The following PPP1R13B variants were observed in gnomAD, a reference collection of about 807,000 sequenced individuals.
PPP1R13B encodes the protein apoptosis-stimulating of p53 protein 1.
In PPP1R13B, 44 loss-of-function variants were observed where a neutral mutation model predicts 119.8. That is an observed-to-expected ratio of 0.37 (90% CI 0.29 to 0.47). The LOEUF (loss-of-function observed/expected upper bound fraction) is 0.47, where lower values mean the gene tolerates loss of function less well. PPP1R13B is among the 20% of genes least tolerant of loss of function. The pLI is 0.99. For missense variants in PPP1R13B, 1,227 were observed against 1,413.5 expected, an observed-to-expected ratio of 0.87 and a Z score of 2.12; for synonymous variants, 542 against 561.5, an observed-to-expected ratio of 0.97 and a Z score of 0.49.
At chr14:103,807,422 C>T (rs1468757472) in intron 1 of PPP1R13B, among the ~76,000 whole-genome samples, 2 of 152,214 alleles carry the variant, frequency 1.3e-5, no homozygotes, top group African/African-American at 4.8e-5. Flanking sequence ...AGTTAATTAC[C>T]TGCTGTGTCA....
chr14:103,821,161 T>C (rs2086396548), intron 1 of PPP1R13B, among the ~76,000 whole-genome samples: 1 of 152,158 alleles, frequency 6.6e-6, no homozygotes, highest in Non-Finnish European at 1.5e-5. Context: ...GGTAACAAAA[T>C]GAAGACTAAA....
intron 1 of PPP1R13B, among the ~76,000 whole-genome samples, chr14:103,803,679 C>CAAAT (rs776782671): frequency 2.0e-5 from 3 of 152,046 alleles, no homozygotes; most frequent in Non-Finnish European, 2.9e-5. Context: ...AATTAATAAA[C>CAAAT]AAATAAATAA....
chr14:103,828,474 T>C (rs556773897), intron 1 of PPP1R13B, among the ~76,000 whole-genome samples: 6 of 152,146 alleles, frequency 3.9e-5, no homozygotes, highest in African/African-American at 1.4e-4. Context: ...CACTCATTCA[T>C]TCATTTAGGA....
chr14:103,848,410 C>T (rs2087125217), upstream of PPP1R13B: 1 of 985,358 alleles, frequency 1.0e-6, no homozygotes, highest in Non-Finnish European at 1.2e-6. Context: ...AGTGACAGAG[C>T]CCTGGGCAGG....
At chr14:103,841,821 G>C (rs2086916111) in intron 1 of PPP1R13B, among the ~76,000 whole-genome samples, 1 of 152,144 alleles carries the variant, frequency 6.6e-6, no homozygotes, top group African/African-American at 2.4e-5. Flanking sequence ...CTCAACCTTT[G>C]ATGAAGCGAA....
rs149061819 is a variant in PPP1R13B at position 103,767,489 on chromosome 14, C to T, written c.355-9738G>A. Among the ~76,000 whole-genome samples the T allele has an allele frequency of 5.2e-3, 795 of 152,170 alleles. 10 individuals carry two copies. Among genetic ancestry groups the T allele is most frequent in the African/African-American group, 0.018 (754 of 41,510 alleles). On this transcript the variant is annotated intron_variant, in intron 4 of 16. Transcript: ENST00000202556. ...ATTGCAAAGCACAGCAAACAATGAC[C>T]TCACAAGGCTCGTCTCCAGTCTCAT...
intron 4 of PPP1R13B, among the ~76,000 whole-genome samples, chr14:103,777,240 A>T (rs1355073764): frequency 6.6e-6 from 1 of 151,992 alleles, no homozygotes; most frequent in Non-Finnish European, 1.5e-5. Context: ...TGATCCACCG[A>T]CCTTGGCCTC....
chr14:103,825,509 A>G (rs1048223469), intron 1 of PPP1R13B, among the ~76,000 whole-genome samples: 3 of 152,230 alleles, frequency 2.0e-5, no homozygotes, highest in Non-Finnish European at 4.4e-5. Flanking sequence ...TAAAAGCCTG[A>G]AACAGCCTTA....
chr14:103,839,564 T>C (rs1286832330), intron 1 of PPP1R13B, among the ~76,000 whole-genome samples: 1 of 150,956 alleles, frequency 6.6e-6, no homozygotes, highest in Non-Finnish European at 1.5e-5. Context: ...GAGGTGGAGG[T>C]TGTGGTGACC....
intron 8 of PPP1R13B, among the ~76,000 whole-genome samples, chr14:103,748,696 C>T (rs1043567790): frequency 6.6e-6 from 1 of 152,174 alleles, no homozygotes; most frequent in Admixed American, 6.5e-5. Context: ...AGAGTGCAGG[C>T]GCCCCTCCTC....
intron 11 of PPP1R13B, 48 bp downstream of exon 11, chr14:103,741,742 A>G (rs1438708872): frequency 1.9e-6 from 3 of 1,545,948 alleles, no homozygotes. Context: ...CTTAATTAAA[A>G]GTATAATTTC....
chr14:103,769,835 G>A (rs1254068228), intron 4 of PPP1R13B, among the ~76,000 whole-genome samples: 2 of 152,028 alleles, frequency 1.3e-5, no homozygotes, highest in Non-Finnish European at 2.9e-5. Flanking sequence ...TAAATTATAT[G>A]CTCAGTATTC....
At chr14:103,791,064 T>C (rs2152033543) in intron 2 of PPP1R13B, among the ~76,000 whole-genome samples, 1 of 152,210 alleles carries the variant, frequency 6.6e-6, no homozygotes, top group Non-Finnish European at 1.5e-5. Context: ...TAGATTTGCA[T>C]AAAGAAAATC....
intron 9 of PPP1R13B, among the ~76,000 whole-genome samples, chr14:103,743,509 C>A (rs2084310221): frequency 6.6e-6 from 1 of 152,230 alleles, no homozygotes; most frequent in African/African-American, 2.4e-5. Flanking sequence ...CCTTGTAACA[C>A]AAGGCCCCTC....
intron 3 of PPP1R13B, among the ~76,000 whole-genome samples, chr14:103,782,812 T>C (rs965135335): frequency 1.3e-5 from 2 of 152,060 alleles, no homozygotes; most frequent in Non-Finnish European, 2.9e-5. Flanking sequence ...TACTAAGCTT[T>C]TTTTTTTTGA....
intron 4 of PPP1R13B, chr14:103,763,340 C>T (rs543979470): frequency 8.3e-6 from 2 of 239,994 alleles, no homozygotes; most frequent in African/African-American, 4.6e-5. Flanking sequence ...TTGTTTAATG[C>T]ACCTTTTAAT....
At chr14:103,829,127 TG>T (rs2086613282) in intron 1 of PPP1R13B, among the ~76,000 whole-genome samples, 1 of 152,134 alleles carries the variant, frequency 6.6e-6, no homozygotes, top group African/African-American at 2.4e-5. Context: ...GTGGCTTAAT[TG>T]TAACAGTATT....
chr14:103,779,601 T>C (rs1164671182), intron 3 of PPP1R13B, among the ~76,000 whole-genome samples: 2 of 139,280 alleles, frequency 1.4e-5, no homozygotes, highest in Admixed American at 1.4e-4. Flanking sequence ...GTGGCGAAAA[T>C]CTGTCTCTAC....
intron 9 of PPP1R13B, among the ~76,000 whole-genome samples, 161 bp downstream of exon 9, chr14:103,746,210 AGG>A (rs1336314329): frequency 6.6e-6 from 1 of 152,212 alleles, no homozygotes; most frequent in Admixed American, 6.5e-5. Context: ...TTGTTACCAC[AGG>A]GGAACACAGC....
Sources: gnomAD v4.1 joint callset for allele counts (sites outside exome capture counted in the v4.1 genomes callset) on GRCh38, gnomAD v4.1.1 for gene constraint, MANE v1.5 for transcripts, NCBI Gene and HGNC (gene_info 2026-07-23, HGNC 2026-07-21) for gene names.